SHROOM3: variants seen among roughly 807,000 people sequenced by gnomAD.
SHROOM3 encodes the protein shroom family member 3.
Under a neutral mutation model 138.6 loss-of-function variants are expected in SHROOM3, and 47 were observed. The ratio of observed to expected loss-of-function variants is 0.34; its 90% CI spans 0.27 to 0.43. SHROOM3 has a LOEUF of 0.43. Ranked by LOEUF, SHROOM3 falls within the 20% of genes least tolerant of loss-of-function variation. The pLI is 1.00. For synonymous variants in SHROOM3, 1,062 were observed against 1,063.3 expected, an observed-to-expected ratio of 1.00 and a Z score of 0.02; for missense variants, 2,491 against 2,596.5, an observed-to-expected ratio of 0.96 and a Z score of 0.88.
chr4:76,443,149 CTA>C (rs1273281306), intron 1 of SHROOM3, among the ~76,000 whole-genome samples: 2 of 152,140 alleles, frequency 1.3e-5, no homozygotes, highest in African/African-American at 4.8e-5. Flanking sequence ...TAAAAATTAA[CTA>C]TTATTTTAGT....
intron 2 of SHROOM3, among the ~76,000 whole-genome samples, chr4:76,660,677 T>C (rs1324234941): frequency 6.6e-6 from 1 of 152,130 alleles, no homozygotes; most frequent in African/African-American, 2.4e-5. Context: ...GGTTTCACCA[T>C]GTTGGTCAGG....
At chr4:76,736,793 T>G (rs557028840) in intron 4 of SHROOM3, among the ~76,000 whole-genome samples, 2 of 111,994 alleles carry the variant, frequency 1.8e-5, no homozygotes, top group African/African-American at 6.3e-5. Context: ...TTTAGTTTCA[T>G]AGTGAAATTG....
chr4:76,698,701 C>A (rs1719815808), intron 2 of SHROOM3, among the ~76,000 whole-genome samples: 1 of 152,144 alleles, frequency 6.6e-6, no homozygotes, highest in Admixed American at 6.5e-5. Flanking sequence ...AAGATGCATT[C>A]ACCAACAGCC....
At chr4:76,443,052 C>T (rs1730729899) in intron 1 of SHROOM3, among the ~76,000 whole-genome samples, 1 of 152,102 alleles carries the variant, frequency 6.6e-6, no homozygotes, top group Non-Finnish European at 1.5e-5. Context: ...TTCATATGCA[C>T]ATATGTAATG....
Position 76,755,036 on chromosome 4 carries a change from C to T in SHROOM3, c.4553C>T (p.Thr1518Met), listed in dbSNP as rs374864139. ...VFVRDPHPKA[T>M]SSPTFEPLPP... ...GTGAGGGATCCGCACCCCAAGGCCACGTCCAGCCCCACATTTGAACCTCTT... is the reference window on the plus strand; with the variant it reads ...GTGAGGGATCCGCACCCCAAGGCCATGTCCAGCCCCACATTTGAACCTCTT... Residue 1518 changes from threonine (T) to methionine (M), a missense_variant, in exon 7 of 11, where the codon ACG (threonine) becomes ATG (methionine). Around this residue, in one of 4 missense-constraint regions of SHROOM3, gnomAD observed 470 missense variants for 595.0 expected, o/e 0.79. Transcript: ENST00000296043. 5.6e-6 allele frequency: 9 copies of T among 1,603,714 alleles called. No homozygotes were observed. The highest frequency in any genetic ancestry group is 2.2e-5 in the South Asian group (2 of 90,092).
chr4:76,547,803 G>A (rs1034862239), intron 1 of SHROOM3, among the ~76,000 whole-genome samples: 3 of 151,962 alleles, frequency 2.0e-5, no homozygotes, highest in Non-Finnish European at 4.4e-5. Context: ...GGTAGCGTGC[G>A]CCTATAGTCC....
chr4:76,604,480 T>C (rs924595165), intron 2 of SHROOM3, among the ~76,000 whole-genome samples: 1 of 152,208 alleles, frequency 6.6e-6, no homozygotes, highest in African/African-American at 2.4e-5. Context: ...TGATTGCTTT[T>C]GAGCTTAACT....
intron 2 of SHROOM3, among the ~76,000 whole-genome samples, chr4:76,638,123 C>G (rs1277621270): frequency 6.6e-6 from 1 of 152,172 alleles, no homozygotes; most frequent in Non-Finnish European, 1.5e-5. Flanking sequence ...ACTTCCATCT[C>G]TGCTTTCGTT....
At chr4:76,633,093 G>A (rs1314984100) in intron 2 of SHROOM3, among the ~76,000 whole-genome samples, 2 of 152,142 alleles carry the variant, frequency 1.3e-5, no homozygotes, top group East Asian at 1.9e-4. Flanking sequence ...TCTTGCAGCC[G>A]AGCGCGGTGG....
chr4:76,721,637 A>G (rs1223345948), intron 3 of SHROOM3, among the ~76,000 whole-genome samples: 1 of 152,248 alleles, frequency 6.6e-6, no homozygotes, highest in Non-Finnish European at 1.5e-5. Flanking sequence ...CAGACTTTCA[A>G]GTAGCTGGGA....
At chr4:76,643,449 T>G (rs1045852990) in intron 2 of SHROOM3, among the ~76,000 whole-genome samples, 44 of 152,270 alleles carry the variant, frequency 2.9e-4, no homozygotes, top group African/African-American at 9.9e-4. Flanking sequence ...GATGTAAGTC[T>G]GCCAAGGCCC....
Position 76,738,947 on chromosome 4 carries a change from G to A in SHROOM3, c.774G>A (p.Ser258=), listed in dbSNP as rs764378677. ...GCCACTTCCATAACAAGAGAGACTCGGCTTACAGCTCTTTCTCCACCAGTT... is the reference window on the plus strand; with the variant it reads ...GCCACTTCCATAACAAGAGAGACTCAGCTTACAGCTCTTTCTCCACCAGTT... ...QLSHFHNKRD[S]AYSSFSTSSS... The change falls in exon 5 of 11, where the codon TCG becomes TCA. Residue 258 remains serine, a synonymous_variant. Coordinates refer to ENST00000296043, the MANE Select transcript of SHROOM3 (RefSeq NM_020859.4). 9 of 1,614,092 alleles carry A rather than the reference G, an allele frequency of 5.6e-6. No individual in the cohort carries two copies. The highest frequency in any genetic ancestry group is 3.3e-5 in the Admixed American group (2 of 60,002).
chr4:76,510,625 T>C lies in SHROOM3; in HGVS notation c.169-44984T>C, dbSNP rs536887445. Among the ~76,000 whole-genome samples the C allele has an allele frequency of 9.1e-4, 138 of 152,334 alleles. 1 individual carries two copies. Among genetic ancestry groups the C allele is most frequent in the African/African-American group, 3.2e-3 (135 of 41,572 alleles). On this transcript the variant is annotated intron_variant, in intron 1 of 10. Transcript: ENST00000296043. ...GTCACCTGGCCTTGTCATATACAAC[T>C]GCACAATCCCCTGGAAATGTTTCCA... is the stretch of plus-strand genomic sequence containing the variant.
In SHROOM3 at chr4:76,739,692, G is replaced by A. The variant is rs769406699; in HGVS notation, c.1519G>A (p.Ala507Thr). The A allele has an allele frequency of 1.2e-5, 19 of 1,614,088 alleles. No homozygotes were observed. Among genetic ancestry groups the A allele is most frequent in the Non-Finnish European group, 1.6e-5 (19 of 1,180,052 alleles). The change falls in exon 5 of 11, where the codon GCA becomes ACA. Residue 507 changes from alanine to threonine, a missense_variant. By Grantham distance (58) the Ala-to-Thr change is moderately conservative (BLOSUM62 0). Transcript: ENST00000296043. Reference sequence around the variant, plus strand: ...GAGTGGATACATAGCCCCTCAGGGAGCATGCAACAAGATGGCTACCATTGA... The same window carrying A: ...GAGTGGATACATAGCCCCTCAGGGAACATGCAACAAGATGGCTACCATTGA... ...KESGYIAPQG[A>T]CNKMATIDEN...
chr4:76,654,987 T>A (rs1019848376), intron 2 of SHROOM3, among the ~76,000 whole-genome samples: 1 of 152,148 alleles, frequency 6.6e-6, no homozygotes, highest in Non-Finnish European at 1.5e-5. Flanking sequence ...TCTGGCTAAG[T>A]ATGGATTAAA....
intron 2 of SHROOM3, among the ~76,000 whole-genome samples, chr4:76,620,070 CAAAAAAAAAAAA>C (rs68039696): frequency 2.3e-4 from 14 of 61,106 alleles, no homozygotes; most frequent in Middle Eastern, 9.8e-3. Flanking sequence ...GAATCTATCT[CAAAAAAAAAAAA>C]AAAAAAAAAA....
At chr4:76,667,221 G>T (rs1472269383) in intron 2 of SHROOM3, among the ~76,000 whole-genome samples, 1 of 152,158 alleles carries the variant, frequency 6.6e-6, no homozygotes, top group Non-Finnish European at 1.5e-5. Context: ...TGCTGGTGAT[G>T]GTTGCACAAC....
chr4:76,612,261 A>G (rs1734779821), intron 2 of SHROOM3, among the ~76,000 whole-genome samples: 1 of 152,180 alleles, frequency 6.6e-6, no homozygotes. Flanking sequence ...AGGATTTTCT[A>G]GTTAAACCTC....
At chr4:76,710,460 C>A (rs961409475) in intron 3 of SHROOM3, among the ~76,000 whole-genome samples, 173 bp downstream of exon 3, 1 of 152,166 alleles carries the variant, frequency 6.6e-6, no homozygotes, top group Non-Finnish European at 1.5e-5. Context: ...TAGAAGGATA[C>A]TGATCTTATT....
Sources: gnomAD v4.1 joint callset for allele counts (sites outside exome capture counted in the v4.1 genomes callset) on GRCh38, gnomAD v4.1.1 for gene constraint, gnomAD v4.1.1 regional missense constraint, MANE v1.5 for transcripts, NCBI Gene and HGNC (gene_info 2026-07-23, HGNC 2026-07-21) for gene names.